Variants in AKAP10 observed in about 807,000 individuals in gnomAD.
The protein encoded by AKAP10 is A-kinase anchor protein 10, mitochondrial.
AKAP10 carries 24 observed loss-of-function variants against 80.8 expected under a neutral mutation model. The observed-to-expected ratio is 0.30, with a 90% CI of 0.22 to 0.42. The LOEUF (loss-of-function observed/expected upper bound fraction) is 0.42. Ranked by LOEUF, AKAP10 falls within the 10% of genes least tolerant of loss-of-function variation. AKAP10 has a pLI of 1.00. For synonymous variants in AKAP10, 291 were observed against 277.7 expected (o/e 1.05, Z -0.48); for missense variants, 661 against 794.9 (o/e 0.83, Z 2.03).
At chr17:19,907,108 C>T (rs558880162) in intron 14 of AKAP10, among the ~76,000 whole-genome samples, 8 of 152,010 alleles carry the variant, frequency 5.3e-5, no homozygotes, top group African/African-American at 1.7e-4. Context: ...ACCTCTGCCT[C>T]CCGGGTTCAA....
intron 11 of AKAP10, among the ~76,000 whole-genome samples, 181 bp downstream of exon 11, chr17:19,924,227 T>TA (rs991566378): frequency 1.3e-5 from 2 of 152,124 alleles, no homozygotes; most frequent in Admixed American, 1.3e-4. Context: ...GAGCCAAGAT[T>TA]AAAACCCAGG....
At chr17:19,962,799 A>AT (rs1463658297) in intron 3 of AKAP10, 41 bp downstream of exon 3, 5 of 1,579,136 alleles carry the variant, frequency 3.2e-6, no homozygotes, top group Non-Finnish European at 4.3e-6. Context: ...TTGTACTCAA[A>AT]TCCTTCTAAT....
At chr17:19,918,224 CAAAAAAA>C (rs559332326) in intron 12 of AKAP10, among the ~76,000 whole-genome samples, 6 of 86,052 alleles carry the variant, frequency 7.0e-5, no homozygotes, top group Non-Finnish European at 1.3e-4. Context: ...CCGTCTCAAA[CAAAAAAA>C]AAAAAAAAAA....
intron 6 of AKAP10, 46 bp downstream of exon 6, chr17:19,941,780 C>T (rs1354132705): frequency 2.1e-6 from 3 of 1,433,588 alleles, no homozygotes; most frequent in Non-Finnish European, 2.8e-6. Context: ...TAACAATGAA[C>T]CCAAATTCCC....
chr17:19,971,193 C>T (rs2043493153), intron 1 of AKAP10, among the ~76,000 whole-genome samples: 1 of 151,648 alleles, frequency 6.6e-6, no homozygotes, highest in Admixed American at 6.6e-5. Context: ...TTTTTAATGG[C>T]ATTATTCTGC....
At position 19,920,096 on chromosome 17, in the gene AKAP10, T is replaced by C; in HGVS notation, c.1774A>G (p.Ser592Gly). 1 of 1,612,628 alleles carries C rather than the reference T, an allele frequency of 6.2e-7. No homozygotes were observed. Among genetic ancestry groups the C allele is most frequent in the African/African-American group, 1.3e-5 (1 of 75,026 alleles). ...TCTCGGATGAATTGCCCCAAGTCAC[T>C]GACTCTTCCAAATGTCATCTTCCTA... is the stretch of plus-strand genomic sequence containing the variant. ...YAGKMTFGRV[S>G]DLGQFIRESE... The change falls in exon 12 of 15, where the codon AGT becomes GGT. Residue 592 changes from serine (S) to glycine (G), a missense_variant. Ser to Gly is a moderately conservative substitution (Grantham distance 56). Coordinates refer to ENST00000225737, the MANE Select transcript of AKAP10 (RefSeq NM_007202.4).
chr17:19,916,754 G>A (rs1452397779), intron 12 of AKAP10, among the ~76,000 whole-genome samples: 2 of 151,110 alleles, frequency 1.3e-5, no homozygotes, highest in African/African-American at 2.4e-5. Context: ...TGGCTAATGC[G>A]GTGAAACCCC....
At chr17:19,954,769 A>C (rs1266986898) in intron 4 of AKAP10, among the ~76,000 whole-genome samples, 1 of 151,864 alleles carries the variant, frequency 6.6e-6, no homozygotes, top group African/African-American at 2.4e-5. Flanking sequence ...CTGAGATTAC[A>C]GGCATAAGCC....
At chr17:19,930,365 C>T (rs2042919220) in intron 10 of AKAP10, among the ~76,000 whole-genome samples, 1 of 152,108 alleles carries the variant, frequency 6.6e-6, no homozygotes. Context: ...GGATATTCTA[C>T]TTTGTGTGAT....
intron 4 of AKAP10, among the ~76,000 whole-genome samples, chr17:19,957,388 A>G (rs1269544234): frequency 6.6e-6 from 1 of 151,944 alleles, no homozygotes; most frequent in East Asian, 1.9e-4. Context: ...AAAAATACAA[A>G]AAAATTAGCC....
At chr17:19,970,692 G>A (rs1413258221) in intron 1 of AKAP10, among the ~76,000 whole-genome samples, 2 of 151,996 alleles carry the variant, frequency 1.3e-5, no homozygotes, top group Admixed American at 6.6e-5. Flanking sequence ...GTGTGGTGGC[G>A]GGTACCTGTA....
intron 1 of AKAP10, among the ~76,000 whole-genome samples, chr17:19,970,197 T>C (rs1179153258): frequency 6.6e-6 from 1 of 152,186 alleles, no homozygotes; most frequent in Non-Finnish European, 1.5e-5. Flanking sequence ...TCTTCCCTCA[T>C]GAATGACACT....
intron 4 of AKAP10, among the ~76,000 whole-genome samples, chr17:19,957,019 C>G (rs899670867): frequency 9.9e-5 from 15 of 151,868 alleles, no homozygotes; most frequent in African/African-American, 3.6e-4. Flanking sequence ...ACTAAAAGAT[C>G]TGAAGAAATC....
At chr17:19,907,167 C>A (rs980950996) in intron 14 of AKAP10, among the ~76,000 whole-genome samples, 4 of 151,316 alleles carry the variant, frequency 2.6e-5, no homozygotes, top group Admixed American at 2.6e-4. Context: ...ACAGGCAATG[C>A]GCCACCACGC....
At chr17:19,937,095 T>A (rs2043000161) in intron 8 of AKAP10, among the ~76,000 whole-genome samples, 2 of 146,036 alleles carry the variant, frequency 1.4e-5, no homozygotes, top group Non-Finnish European at 3.1e-5. Context: ...AAAAAAAGCA[T>A]TAAATGCGAG....
rs573447296 is a variant in AKAP10 at position 19,952,653 on chromosome 17, T to C, written c.878-5148A>G. 3.5e-4 allele frequency among the ~76,000 whole-genome samples: 53 copies of C among 152,204 alleles called. No homozygotes were observed. In the South Asian group the frequency reaches 9.6e-3, roughly 27 times the overall value. On this transcript the variant is annotated intron_variant, in intron 4 of 14. Transcript: ENST00000225737. Reference sequence around the variant, plus strand: ...GTCTATATAAATTGGACAACAGATATTTCTGATCTTAGAACAAGGAAAATT... The same window carrying C: ...GTCTATATAAATTGGACAACAGATACTTCTGATCTTAGAACAAGGAAAATT...
chr17:19,922,563 T>C (rs963724707), intron 11 of AKAP10, among the ~76,000 whole-genome samples: 36 of 152,130 alleles, frequency 2.4e-4, no homozygotes, highest in African/African-American at 8.7e-4. Context: ...TCTTTCAAGA[T>C]GAAGAAAAAT....
intron 1 of AKAP10, among the ~76,000 whole-genome samples, chr17:19,973,744 G>A (rs1232030791): frequency 6.6e-6 from 1 of 152,218 alleles, no homozygotes; most frequent in East Asian, 1.9e-4. Context: ...AATCTTAACA[G>A]AGATGACTGC....
At chr17:19,943,606 T>A (rs1040784526) in intron 5 of AKAP10, among the ~76,000 whole-genome samples, 1 of 152,212 alleles carries the variant, frequency 6.6e-6, no homozygotes. Context: ...CTGTATCCTT[T>A]GTAATATCCT....
Sources: gnomAD v4.1 joint callset for allele counts (sites outside exome capture counted in the v4.1 genomes callset) on GRCh38, gnomAD v4.1.1 for gene constraint, MANE v1.5 for transcripts, NCBI Gene and HGNC (gene_info 2026-07-23, HGNC 2026-07-21) for gene names.